RBMS3: variants seen among roughly 807,000 people sequenced by gnomAD.
RBMS3 encodes RNA-binding motif, single-stranded-interacting protein 3.
Under a neutral mutation model 66.8 loss-of-function variants are expected in RBMS3, and 27 were observed. That is an observed-to-expected ratio of 0.40 (90% confidence interval 0.30 to 0.56). RBMS3 has a LOEUF of 0.56. Among genes scored for constraint, RBMS3 ranks in the 20% least tolerant of loss-of-function variants. The probability of loss-of-function intolerance (pLI) is 0.40; values close to 1 mark genes in which losing one functional copy is unlikely to be tolerated. For missense variants in RBMS3, 513 were observed against 549.5 expected (o/e 0.93, Z 0.66); for synonymous variants, 188 against 183.0 (o/e 1.03, Z -0.22).
At chr3:29,527,730 G>T (rs1214294200) in intron 3 of RBMS3, among the ~76,000 whole-genome samples, 1 of 151,844 alleles carries the variant, frequency 6.6e-6, no homozygotes, top group South Asian at 2.1e-4. Flanking sequence ...AGATACATTG[G>T]TGTGCTGCAC....
At chr3:29,869,672 C>CT (rs1406555213) in intron 7 of RBMS3, among the ~76,000 whole-genome samples, 9 of 152,148 alleles carry the variant, frequency 5.9e-5, no homozygotes, top group Non-Finnish European at 8.8e-5. Flanking sequence ...CTTTTTGTTA[C>CT]TTTTTTGTAA....
At chr3:29,502,892 G>T (rs140992769) in intron 3 of RBMS3, among the ~76,000 whole-genome samples, 1 of 152,112 alleles carries the variant, frequency 6.6e-6, no homozygotes, top group African/African-American at 2.4e-5. Flanking sequence ...TCTTTAAAGG[G>T]CCTATGTGGT....
intron 6 of RBMS3, among the ~76,000 whole-genome samples, chr3:29,837,232 T>A (rs1244511763): frequency 1.3e-5 from 2 of 152,130 alleles, no homozygotes. Flanking sequence ...TGAATAAATG[T>A]ATACCTATAC....
intron 3 of RBMS3, 137 bp from the exon 4 acceptor site, chr3:29,586,977 C>A: frequency 1.7e-6 from 1 of 587,528 alleles, no homozygotes; most frequent in Non-Finnish European, 2.9e-6. Flanking sequence ...GACCACTAAT[C>A]TAAGAGCCTA....
At chr3:29,793,212 T>G (rs9847447) in intron 6 of RBMS3, among the ~76,000 whole-genome samples, 1 of 149,848 alleles carries the variant, frequency 6.7e-6, no homozygotes, top group Non-Finnish European at 1.5e-5. Flanking sequence ...GTCTGGGCAA[T>G]GGAGTGAGAC....
intron 3 of RBMS3, among the ~76,000 whole-genome samples, chr3:29,555,500 T>C (rs2046327006): frequency 6.6e-6 from 1 of 152,190 alleles, no homozygotes; most frequent in Non-Finnish European, 1.5e-5. Flanking sequence ...CTTGAGGATC[T>C]AGAAGGAATT....
At chr3:29,571,779 C>T (rs2046961609) in intron 3 of RBMS3, among the ~76,000 whole-genome samples, 1 of 151,984 alleles carries the variant, frequency 6.6e-6, no homozygotes, top group South Asian at 2.1e-4. Flanking sequence ...TCTGTAGAAA[C>T]TTTAGAATTA....
At chr3:29,830,995 C>T (rs1229322482) in intron 6 of RBMS3, among the ~76,000 whole-genome samples, 1 of 152,098 alleles carries the variant, frequency 6.6e-6, no homozygotes, top group Non-Finnish European at 1.5e-5. Flanking sequence ...TAAGTTAAAG[C>T]CATTTCAGTA....
chr3:29,545,372 T>TA (rs1189695727), intron 3 of RBMS3, among the ~76,000 whole-genome samples: 1 of 151,940 alleles, frequency 6.6e-6, no homozygotes, highest in Non-Finnish European at 1.5e-5. Flanking sequence ...ATAACTAGAA[T>TA]AAAAAAACAG....
chr3:29,767,201 C>T (rs2055966754), intron 6 of RBMS3: 1 of 151,918 alleles, frequency 6.6e-6, no homozygotes, highest in South Asian at 2.1e-4. Flanking sequence ...CAGAATGATA[C>T]ACCATGCGGA....
At chr3:29,592,377 C>T (rs968436800) in intron 4 of RBMS3, among the ~76,000 whole-genome samples, 2 of 152,162 alleles carry the variant, frequency 1.3e-5, no homozygotes, top group South Asian at 4.1e-4. Flanking sequence ...CAAAAGAAGA[C>T]TTTTATGCAG....
intron 6 of RBMS3, among the ~76,000 whole-genome samples, chr3:29,799,271 A>G (rs2057314321): frequency 6.6e-6 from 1 of 152,130 alleles, no homozygotes; most frequent in Non-Finnish European, 1.5e-5. Flanking sequence ...AAGTTTCCAA[A>G]CTGTCAAGCC....
Position 29,908,600 on chromosome 3 carries a change from G to A in RBMS3, c.939+8845G>A, listed in dbSNP as rs117742431. Among the ~76,000 whole-genome samples the A allele has an allele frequency of 2.6e-5, 4 of 152,084 alleles. No homozygotes were observed. In the East Asian group the frequency reaches 7.8e-4, roughly 29 times the overall value. ...TGCCCTTGATTGTCATAAAACTTGA[G>A]GAATATTTTCCTCACATGCTCGCTT... On this transcript the variant is annotated intron_variant, in intron 10 of 14. Coordinates refer to ENST00000383767, the MANE Select transcript of RBMS3 (RefSeq NM_001003793.3).
At chr3:29,580,540 A>G (rs2047287751) in intron 3 of RBMS3, among the ~76,000 whole-genome samples, 1 of 151,742 alleles carries the variant, frequency 6.6e-6, no homozygotes, top group African/African-American at 2.4e-5. Context: ...TTAAACATAA[A>G]CTCCACTGCA....
At chr3:29,793,233 A>AG (rs2057072071) in intron 6 of RBMS3, among the ~76,000 whole-genome samples, 1 of 144,664 alleles carries the variant, frequency 6.9e-6, no homozygotes, top group Non-Finnish European at 1.6e-5. Context: ...TCCATCTCAA[A>AG]AAAAAAAAGA....
At position 29,625,692 on chromosome 3, in the gene RBMS3, C is replaced by T. The variant is rs1038509832; in HGVS notation, c.399+38487C>T. Among the ~76,000 whole-genome samples the T allele has an allele frequency of 1.0e-4, 13 of 125,368 alleles. 1 individual carries two copies. The highest frequency in any genetic ancestry group is 4.8e-4 in the African/African-American group (13 of 27,224). 82.2% of individuals were successfully genotyped at this position (125,368 alleles called of 152,430 possible). ...CAGCCTGGGCAAAAAGAGTGAAACG[C>T]CATTAAAGTAAATAAATAAATAAAT... On this transcript the variant is annotated intron_variant, in intron 4 of 14. Coordinates refer to ENST00000383767, the MANE Select transcript of RBMS3 (RefSeq NM_001003793.3).
At chr3:29,813,776 C>A (rs1559698708) in intron 6 of RBMS3, among the ~76,000 whole-genome samples, 2 of 151,994 alleles carry the variant, frequency 1.3e-5, no homozygotes. Context: ...ATTTGGCTCT[C>A]TGTTTGTCTG....
intron 6 of RBMS3, among the ~76,000 whole-genome samples, chr3:29,824,951 A>G (rs1400282864): frequency 6.6e-6 from 1 of 152,052 alleles, no homozygotes; most frequent in Non-Finnish European, 1.5e-5. Flanking sequence ...TTAATCTTTT[A>G]TTCAATTGGA....
intron 4 of RBMS3, among the ~76,000 whole-genome samples, chr3:29,691,115 A>G (rs2051985165): frequency 6.6e-6 from 1 of 152,232 alleles, no homozygotes; most frequent in South Asian, 2.1e-4. Flanking sequence ...AATTGCAGAC[A>G]GAAAGAGATA....
Sources: gnomAD v4.1 joint callset for allele counts (sites outside exome capture counted in the v4.1 genomes callset) on GRCh38, gnomAD v4.1.1 for gene constraint, MANE v1.5 for transcripts, NCBI Gene and HGNC (gene_info 2026-07-23, HGNC 2026-07-21) for gene names.